The following CRTAC1 variants were observed in gnomAD, a reference collection of about 807,000 sequenced individuals.
CRTAC1 encodes the protein acidic secreted protein in cartilage.
A neutral mutation model predicts 67.8 loss-of-function variants in CRTAC1; 37 were observed. The observed-to-expected ratio is 0.55, with a 90% CI of 0.42 to 0.72. CRTAC1 has a LOEUF of 0.72. Among genes scored for constraint, CRTAC1 ranks in the 30% least tolerant of loss-of-function variants. The pLI is 0.00. For missense variants in CRTAC1, 780 were observed against 931.6 expected (o/e 0.84, Z 2.12); for synonymous variants, 348 against 371.0 (o/e 0.94, Z 0.71).
At chr10:97,887,595 T>G (rs1242292530) in intron 11 of CRTAC1, among the ~76,000 whole-genome samples, 1 of 152,180 alleles carries the variant, frequency 6.6e-6, no homozygotes, top group South Asian at 2.1e-4. Context: ...CCAGACGTGG[T>G]GCAGGGGGCC....
intron 3 of CRTAC1, among the ~76,000 whole-genome samples, chr10:97,933,401 T>C (rs1379063160): frequency 6.6e-6 from 1 of 152,254 alleles, no homozygotes; most frequent in Non-Finnish European, 1.5e-5. Context: ...TCACCGTGTC[T>C]GCCTTTCTTG....
At chr10:97,900,670 G>A (rs981867782) in intron 8 of CRTAC1, among the ~76,000 whole-genome samples, 1 of 138,036 alleles carries the variant, frequency 7.2e-6, no homozygotes, top group Non-Finnish European at 1.5e-5. Flanking sequence ...ATTGGACCCT[G>A]TAGCCCCTTT....
At chr10:97,892,860 A>G (rs2050397710) in intron 11 of CRTAC1, among the ~76,000 whole-genome samples, 1 of 152,192 alleles carries the variant, frequency 6.6e-6, no homozygotes, top group Non-Finnish European at 1.5e-5. Flanking sequence ...GAAAATGATC[A>G]TATAACCAGG....
intron 4 of CRTAC1, among the ~76,000 whole-genome samples, chr10:97,919,914 T>TTTGTTTGTTTG (rs1564894602): frequency 1.4e-4 from 21 of 151,584 alleles, no homozygotes; most frequent in African/African-American, 4.4e-4. Context: ...TAATTTTTTT[T>TTTGTTTGTTTG]TTTGTTTGTT....
chr10:97,913,670 G>T (rs902005522), intron 5 of CRTAC1, among the ~76,000 whole-genome samples: 4 of 152,160 alleles, frequency 2.6e-5, no homozygotes, highest in African/African-American at 9.7e-5. Context: ...CCTGGGCTTT[G>T]GGTACCCCTA....
At chr10:97,890,690 G>A (rs2050357751) in intron 11 of CRTAC1, among the ~76,000 whole-genome samples, 1 of 146,436 alleles carries the variant, frequency 6.8e-6, no homozygotes, top group Non-Finnish European at 1.5e-5. Flanking sequence ...TTTTTGAGAC[G>A]GAGTTTCGCT....
At chr10:97,904,845 G>A (rs763429678) in intron 6 of CRTAC1, 31 bp from the exon 7 acceptor site, 15 of 1,580,298 alleles carry the variant, frequency 9.5e-6, no homozygotes, top group East Asian at 4.6e-5. Context: ...CTCTCAGGGC[G>A]GCATCCCCTG....
At chr10:97,985,745 C>T (rs2051970780) in intron 2 of CRTAC1, among the ~76,000 whole-genome samples, 1 of 152,188 alleles carries the variant, frequency 6.6e-6, no homozygotes, top group South Asian at 2.1e-4. Flanking sequence ...ACCCTTCAAC[C>T]CCTGCACACA....
intron 2 of CRTAC1, among the ~76,000 whole-genome samples, chr10:97,989,921 C>T (rs908686289): frequency 5.3e-5 from 8 of 152,234 alleles, no homozygotes; most frequent in African/African-American, 1.9e-4. Context: ...TTTTCTCACT[C>T]TTCTGTTCTC....
At chr10:97,870,942 G>A (rs1353672751) in intron 14 of CRTAC1, 1 of 152,164 alleles carries the variant, frequency 6.6e-6, no homozygotes, top group African/African-American at 2.4e-5. Flanking sequence ...ATTCTCAAAG[G>A]GGTATGCAAC....
rs775359584 is a variant in CRTAC1, at chr10:97,953,022, G to A, written c.225-16656C>T. ...TCCCAGGAACCATTCATTCTCTTGA[G>A]CCTATGCCTCTGCCACTCTAGCATC... On this transcript the variant is annotated intron_variant, in intron 2 of 14. Coordinates refer to ENST00000370597, the MANE Select transcript of CRTAC1 (RefSeq NM_018058.7). 8.6e-4 allele frequency among the ~76,000 whole-genome samples: 131 copies of A among 152,218 alleles called. 2 individuals are homozygous for A. The highest frequency in any genetic ancestry group is 1.4e-3 in the Non-Finnish European group (94 of 68,004).
Position 97,912,401 on chromosome 10 carries a change from A to T in CRTAC1, c.716-4254T>A, listed in dbSNP as rs561228756. Among the ~76,000 whole-genome samples, 3 of 152,216 alleles carry T rather than the reference A, an allele frequency of 2.0e-5. No individual in the cohort carries two copies. In the South Asian group the frequency reaches 6.2e-4, roughly 32 times the overall value. ...AGTTAGAGGGGAAAATGCCCCTTGG[A>T]GGTCCCCATTTCCCCTAGCCACATT... On this transcript the variant is annotated intron_variant, in intron 5 of 14. Transcript: ENST00000370597.
chr10:98,006,668 A>G (rs1276861681), intron 2 of CRTAC1, among the ~76,000 whole-genome samples: 1 of 152,222 alleles, frequency 6.6e-6, no homozygotes, highest in African/African-American at 2.4e-5. Context: ...TCAAAGCAAC[A>G]GGGCTCCAGT....
chr10:97,983,346 G>A (rs2051929167), intron 2 of CRTAC1, among the ~76,000 whole-genome samples: 1 of 151,900 alleles, frequency 6.6e-6, no homozygotes, highest in Non-Finnish European at 1.5e-5. Flanking sequence ...TCCAAGGTCA[G>A]ACAGACAGTT....
At chr10:97,882,894 G>T in intron 12 of CRTAC1, 66 bp from the exon 13 acceptor site, 2 of 1,526,390 alleles carry the variant, frequency 1.3e-6, no homozygotes, top group Non-Finnish European at 1.8e-6. Context: ...TTCCCTCCTA[G>T]TCACAGCCAC....
At chr10:97,953,501 C>G (rs372447037) in intron 2 of CRTAC1, among the ~76,000 whole-genome samples, 40 of 152,272 alleles carry the variant, frequency 2.6e-4, no homozygotes, top group African/African-American at 9.6e-4. Context: ...TAGAGGAACA[C>G]TGTCTGTGTT....
At chr10:97,876,478 T>C (rs1462803465) in intron 14 of CRTAC1, among the ~76,000 whole-genome samples, 1 of 152,170 alleles carries the variant, frequency 6.6e-6, no homozygotes, top group Non-Finnish European at 1.5e-5. Context: ...TTATTATTTC[T>C]TTTTTGTTGA....
At chr10:97,952,255 GGCA>G (rs1192693944) in intron 2 of CRTAC1, among the ~76,000 whole-genome samples, 1 of 152,040 alleles carries the variant, frequency 6.6e-6, no homozygotes, top group Non-Finnish European at 1.5e-5. Flanking sequence ...GGGAGGCTGA[GGCA>G]GGAGAATGGC....
chr10:98,016,045 C>T (rs992855409), intron 1 of CRTAC1, among the ~76,000 whole-genome samples: 25 of 152,224 alleles, frequency 1.6e-4, no homozygotes, highest in African/African-American at 6.0e-4. Context: ...ACTCAAAGTG[C>T]TGGCTGTCTT....
Sources: gnomAD v4.1 joint callset for allele counts (sites outside exome capture counted in the v4.1 genomes callset) on GRCh38, gnomAD v4.1.1 for gene constraint, MANE v1.5 for transcripts, NCBI Gene and HGNC (gene_info 2026-07-23, HGNC 2026-07-21) for gene names.